RPS6KC1: variants seen among roughly 807,000 people sequenced by gnomAD.
RPS6KC1 encodes ribosomal protein S6 kinase C1.
Under a neutral mutation model 103.8 loss-of-function variants are expected in RPS6KC1, and 54 were observed. The observed-to-expected ratio is 0.52, with a 90% CI of 0.42 to 0.65. RPS6KC1 has a LOEUF of 0.65. RPS6KC1 is among the 30% of genes least tolerant of loss of function. RPS6KC1 has a pLI of 0.00. For missense variants in RPS6KC1, 1,151 were observed against 1,253.8 expected (o/e 0.92, Z 1.24); for synonymous variants, 439 against 438.7 (o/e 1.00, Z -0.01).
At chr1:213,173,552 C>T (rs534219066) in intron 7 of RPS6KC1, among the ~76,000 whole-genome samples, 1 of 152,342 alleles carries the variant, frequency 6.6e-6, no homozygotes, top group South Asian at 2.1e-4. Flanking sequence ...TTTTCCCCAA[C>T]AGGCTAATGC....
At chr1:213,343,430 TATATATATATAC>T in the RPS6KC1 span, among the ~76,000 whole-genome samples, 4 of 80,706 alleles carry the variant, frequency 5.0e-5, no homozygotes, top group Admixed American at 1.5e-4. Flanking sequence ...TATATATATA[TATATATATATAC>T]ATACCATGGA....
intron 8 of RPS6KC1, among the ~76,000 whole-genome samples, chr1:213,194,730 T>C (rs906243722): frequency 6.6e-6 from 1 of 152,228 alleles, no homozygotes; most frequent in South Asian, 2.1e-4. Context: ...TGCGTGCTGC[T>C]TATGAGACTC....
the RPS6KC1 span, among the ~76,000 whole-genome samples, chr1:213,605,295 A>C: frequency 6.6e-6 from 1 of 152,218 alleles, no homozygotes; most frequent in South Asian, 2.1e-4. Context: ...CATTCTTAAA[A>C]AGTCACAGTT....
At chr1:213,345,660 C>T in the RPS6KC1 span, among the ~76,000 whole-genome samples, 2 of 152,206 alleles carry the variant, frequency 1.3e-5, no homozygotes, top group Admixed American at 1.3e-4. Flanking sequence ...TCTTGAATGA[C>T]TGGGATGTTT....
chr1:213,382,946 G>A, the RPS6KC1 span, among the ~76,000 whole-genome samples: 3 of 152,214 alleles, frequency 2.0e-5, no homozygotes, highest in Admixed American at 1.3e-4. Context: ...CTTAACCTCT[G>A]TTATCATGGT....
chr1:213,724,948 C>T, the RPS6KC1 span, among the ~76,000 whole-genome samples: 5 of 152,094 alleles, frequency 3.3e-5, no homozygotes, highest in Admixed American at 6.5e-5. Flanking sequence ...GCCTAAAATC[C>T]ATCTGATGGA....
At chr1:213,443,466 G>C in the RPS6KC1 span, among the ~76,000 whole-genome samples, 29 of 152,218 alleles carry the variant, frequency 1.9e-4, no homozygotes, top group African/African-American at 7.0e-4. Context: ...TTGGCCTTTT[G>C]GATTTCTGTA....
At chr1:213,762,864 GTT>G in the RPS6KC1 span, among the ~76,000 whole-genome samples, 38 of 140,720 alleles carry the variant, frequency 2.7e-4, no homozygotes, top group East Asian at 6.6e-3. Flanking sequence ...ATTTTTTTAC[GTT>G]TTTTTTTTTT....
chr1:213,113,699 C>T (rs574675071), intron 4 of RPS6KC1, among the ~76,000 whole-genome samples: 31 of 151,586 alleles, frequency 2.0e-4, no homozygotes, highest in South Asian at 6.3e-4. Flanking sequence ...TTAGGTCTAA[C>T]GTTTAAGTCT....
the RPS6KC1 span, among the ~76,000 whole-genome samples, chr1:213,811,721 G>A: frequency 2.0e-5 from 3 of 152,198 alleles, no homozygotes; most frequent in Non-Finnish European, 2.9e-5. Flanking sequence ...CTGCCAAGTC[G>A]GGTGTGTAAG....
chr1:213,770,652 G>T, the RPS6KC1 span, among the ~76,000 whole-genome samples: 1 of 152,162 alleles, frequency 6.6e-6, no homozygotes, highest in East Asian at 1.9e-4. Context: ...AACCAGTAGG[G>T]TTAATGAACT....
intron 2 of RPS6KC1, among the ~76,000 whole-genome samples, chr1:213,071,339 G>A (rs564784609): frequency 6.6e-6 from 1 of 152,214 alleles, no homozygotes; most frequent in African/African-American, 2.4e-5. Flanking sequence ...ACGTTGGCCA[G>A]GCTGGTCTCG....
intron 11 of RPS6KC1, 125 bp from the exon 12 acceptor site, chr1:213,242,444 A>G (rs1298539786): frequency 1.8e-6 from 2 of 1,100,092 alleles, no homozygotes; most frequent in African/African-American, 3.1e-5. Flanking sequence ...AATAGCTTCT[A>G]GTACTTAATG....
chr1:213,384,283 A>AAAATATAT, the RPS6KC1 span, among the ~76,000 whole-genome samples: 5 of 145,114 alleles, frequency 3.4e-5, no homozygotes, highest in African/African-American at 1.3e-4. Context: ...CTCAAAAAAA[A>AAAATATAT]ATATATATAT....
chr1:213,112,608 C>T (rs189826500), intron 4 of RPS6KC1, among the ~76,000 whole-genome samples: 1,586 of 151,648 alleles, frequency 0.01, 31 homozygotes, highest in African/African-American at 0.036. Flanking sequence ...TACATGTGCA[C>T]AATGTGCAGG....
At chr1:213,115,423 G>A (rs547485448) in intron 4 of RPS6KC1, among the ~76,000 whole-genome samples, 30 of 151,736 alleles carry the variant, frequency 2.0e-4, no homozygotes, top group South Asian at 8.3e-4. Flanking sequence ...TTTTTATTGC[G>A]TCTATTTGAT....
chr1:213,698,936 G>C, the RPS6KC1 span, among the ~76,000 whole-genome samples: 1 of 151,594 alleles, frequency 6.6e-6, no homozygotes, highest in South Asian at 2.1e-4. Context: ...GTACATAGTA[G>C]GTGTATATAT....
the RPS6KC1 span, among the ~76,000 whole-genome samples, chr1:213,386,064 G>A: frequency 6.6e-6 from 1 of 152,182 alleles, no homozygotes. Flanking sequence ...TGGGTCATGG[G>A]GGCGGATTCC....
the RPS6KC1 span, among the ~76,000 whole-genome samples, chr1:213,505,828 T>C: frequency 6.6e-6 from 1 of 152,222 alleles, no homozygotes. Flanking sequence ...CTTGTTTTGA[T>C]CATTCGTGGT....
Sources: gnomAD v4.1 joint callset for allele counts (sites outside exome capture counted in the v4.1 genomes callset) on GRCh38, gnomAD v4.1.1 for gene constraint, MANE v1.5 for transcripts, NCBI Gene and HGNC (gene_info 2026-07-23, HGNC 2026-07-21) for gene names.